Variants in LRRTM4 observed in about 807,000 individuals in gnomAD.
LRRTM4 encodes leucine-rich repeat transmembrane neuronal protein 4.
A neutral mutation model predicts 47.6 loss-of-function variants in LRRTM4; 25 were observed. The ratio of observed to expected loss-of-function variants is 0.53; its 90% CI spans 0.38 to 0.73. LRRTM4 has a LOEUF of 0.73. Ranked by LOEUF, LRRTM4 falls within the 30% of genes least tolerant of loss-of-function variation. LRRTM4 has a pLI of 0.00. For synonymous variants in LRRTM4, 311 were observed against 269.5 expected, an observed-to-expected ratio of 1.15 and a Z score of -1.51; for missense variants, 638 against 713.4, an observed-to-expected ratio of 0.89 and a Z score of 1.20.
chr2:76,755,761 T>C (rs1158021780), intron 3 of LRRTM4, among the ~76,000 whole-genome samples: 3 of 152,074 alleles, frequency 2.0e-5, no homozygotes, highest in Admixed American at 2.0e-4. Context: ...GTTCACGTTA[T>C]AGAATATTAA....
intron 3 of LRRTM4, among the ~76,000 whole-genome samples, chr2:76,901,371 G>A (rs964881160): frequency 3.3e-5 from 5 of 152,106 alleles, no homozygotes; most frequent in African/African-American, 1.2e-4. Context: ...TCCCTGAAAA[G>A]TATGTTATCT....
At chr2:76,850,361 C>G (rs994244565) in intron 3 of LRRTM4, among the ~76,000 whole-genome samples, 3 of 152,106 alleles carry the variant, frequency 2.0e-5, no homozygotes, top group African/African-American at 7.2e-5. Context: ...GAAGACATAT[C>G]AGAACCTGGG....
chr2:76,874,372 T>C (rs1672721523), intron 3 of LRRTM4, among the ~76,000 whole-genome samples: 1 of 151,974 alleles, frequency 6.6e-6, no homozygotes, highest in Admixed American at 6.6e-5. Context: ...GGCTATACTG[T>C]AATCACCTTG....
At chr2:77,319,330 T>G (rs1012476717) in intron 3 of LRRTM4, among the ~76,000 whole-genome samples, 3 of 151,406 alleles carry the variant, frequency 2.0e-5, no homozygotes, top group African/African-American at 2.4e-5. Flanking sequence ...GAGGTTGCAG[T>G]GAGCCGAGAT....
intron 3 of LRRTM4, among the ~76,000 whole-genome samples, chr2:76,838,183 T>A (rs1016242710): frequency 9.9e-5 from 15 of 151,980 alleles, no homozygotes; most frequent in African/African-American, 3.4e-4. Flanking sequence ...AAAAGTCTCA[T>A]TAAAGTCAAG....
At chr2:77,377,558 T>C (rs1672883982) in intron 3 of LRRTM4, among the ~76,000 whole-genome samples, 1 of 152,008 alleles carries the variant, frequency 6.6e-6, no homozygotes, top group African/African-American at 2.4e-5. Flanking sequence ...ATCTTTTCTG[T>C]GTCTCTGACT....
intron 3 of LRRTM4, among the ~76,000 whole-genome samples, chr2:77,262,330 C>T (rs1459872346): frequency 6.6e-6 from 1 of 152,094 alleles, no homozygotes; most frequent in East Asian, 1.9e-4. Context: ...TTGTCTTCCA[C>T]AAAACCAGTC....
At chr2:77,023,497 G>A (rs535932196) in intron 3 of LRRTM4, among the ~76,000 whole-genome samples, 59 of 152,306 alleles carry the variant, frequency 3.9e-4, no homozygotes, top group African/African-American at 1.4e-3. Flanking sequence ...TTTATGCTCT[G>A]CTTCCCTTTT....
At chr2:77,493,185 T>C (rs571148192) in intron 3 of LRRTM4, among the ~76,000 whole-genome samples, 1 of 152,194 alleles carries the variant, frequency 6.6e-6, no homozygotes, top group African/African-American at 2.4e-5. Flanking sequence ...TTAAATACGT[T>C]CATTATGCAA....
chr2:76,775,394 T>C lies in LRRTM4; in HGVS notation c.1552-26478A>G, dbSNP rs568227303. ...AATCAGAAATGCATTTGAGGGCAAG[T>C]AGACCATGTAGATGCCTTTGGTGCT... On this transcript the variant is annotated intron_variant, in intron 3 of 3. Transcript: ENST00000409884. Among the ~76,000 whole-genome samples, 5 of 152,288 alleles carry C rather than the reference T, an allele frequency of 3.3e-5. No individual in the cohort carries two copies. In the East Asian group the frequency reaches 7.7e-4, roughly 24 times the overall value.
chr2:77,519,935 A>G lies in LRRTM4; in HGVS notation c.5-71T>C. The stretch of plus-strand genomic sequence containing the variant: ...AATAAATCACCGTCGGTTTACCAAC[A>G]ACAGGGGCATTTCCTCTAGTGTAGG... On this transcript the variant is annotated intron_variant, in intron 2 of 3. Coordinates refer to ENST00000409884, the MANE Select transcript of LRRTM4 (RefSeq NM_001134745.3). The surrounding 1 kb of genome is among the most constrained non-coding windows in gnomAD (Gnocchi z 4.6). The G allele has an allele frequency of 6.8e-7, 1 of 1,468,254 alleles. No individual in the cohort carries two copies. The highest frequency in any genetic ancestry group is 9.0e-7 in the Non-Finnish European group (1 of 1,110,880). The allele number at this position is 1,468,254 out of a possible 1,614,324, so 91.0% of individuals were successfully genotyped here.
At chr2:77,303,862 A>G (rs949739813) in intron 3 of LRRTM4, among the ~76,000 whole-genome samples, 4 of 152,136 alleles carry the variant, frequency 2.6e-5, no homozygotes, top group African/African-American at 4.8e-5. Context: ...ATCTGTTGAC[A>G]GACACTTAGA....
intron 3 of LRRTM4, among the ~76,000 whole-genome samples, chr2:77,258,595 G>A (rs967889751): frequency 4.6e-5 from 7 of 150,826 alleles, no homozygotes; most frequent in Non-Finnish European, 7.4e-5. Flanking sequence ...TTAAAAATTA[G>A]GAAAAAAAAA....
chr2:77,486,067 C>T (rs1573480069), intron 3 of LRRTM4, among the ~76,000 whole-genome samples: 1 of 152,138 alleles, frequency 6.6e-6, no homozygotes, highest in East Asian at 1.9e-4. Context: ...TCTAGCATGC[C>T]TTCCAGGGAC....
At chr2:76,780,741 A>C (rs937515376) in intron 3 of LRRTM4, among the ~76,000 whole-genome samples, 3 of 152,064 alleles carry the variant, frequency 2.0e-5, no homozygotes, top group African/African-American at 7.2e-5. Flanking sequence ...GATTGTCTGA[A>C]GTCTTCTTCT....
intron 3 of LRRTM4, among the ~76,000 whole-genome samples, chr2:77,332,324 T>A (rs1671001758): frequency 1.3e-5 from 2 of 152,132 alleles, no homozygotes; most frequent in Non-Finnish European, 2.9e-5. Flanking sequence ...GAACTTCTGG[T>A]GAGAGTCAAC....
intron 3 of LRRTM4, among the ~76,000 whole-genome samples, chr2:76,803,071 CA>C (rs2103781260): frequency 6.6e-6 from 1 of 151,910 alleles, no homozygotes; most frequent in East Asian, 1.9e-4. Context: ...TGCATATGAA[CA>C]AAAAAGTATG....
At position 77,214,249 on chromosome 2, in the gene LRRTM4, G is replaced by T. The variant is rs569276405; in HGVS notation, c.1551+304069C>A. ...TGCACGGGACAAAGTTGTCACTTGG[G>T]AACAAGAGAGACCTGTGTTCTTATC... On this transcript the variant is annotated intron_variant, in intron 3 of 3. Transcript: ENST00000409884. Among the ~76,000 whole-genome samples, 75 of 152,244 alleles carry T rather than the reference G, an allele frequency of 4.9e-4. No homozygotes were observed. The Middle Eastern group carries it at 0.01, about 21-fold the overall frequency.
chr2:77,162,991 G>A (rs984907103), intron 3 of LRRTM4, among the ~76,000 whole-genome samples: 8 of 152,204 alleles, frequency 5.3e-5, no homozygotes, highest in African/African-American at 1.7e-4. Flanking sequence ...TGAGTTGAGA[G>A]AAGAAGTCTT....
Sources: gnomAD v4.1 joint callset for allele counts (sites outside exome capture counted in the v4.1 genomes callset) on GRCh38, gnomAD v4.1.1 for gene constraint, Gnocchi (gnomAD v3.1) non-coding constraint, MANE v1.5 for transcripts, NCBI Gene and HGNC (gene_info 2026-07-23, HGNC 2026-07-21) for gene names.